The following LIN52 variants were observed in gnomAD, a reference collection of about 807,000 sequenced individuals.
LIN52 encodes the protein protein lin-52 homolog.
In LIN52, 4 loss-of-function variants were observed where a neutral mutation model predicts 18.5. The ratio of observed to expected loss-of-function variants is 0.22; its 90% CI spans 0.11 to 0.49. The LOEUF (loss-of-function observed/expected upper bound fraction) is 0.49, where lower values mean the gene tolerates loss of function less well. Among genes scored for constraint, LIN52 ranks in the 20% least tolerant of loss-of-function variants. The pLI is 0.97. For missense variants in LIN52, 102 were observed against 139.5 expected (o/e 0.73, Z 1.35); for synonymous variants, 34 against 45.5 (o/e 0.75, Z 1.02).
chr14:74,142,970 T>C (rs959889637), intron 5 of LIN52, among the ~76,000 whole-genome samples: 2 of 150,998 alleles, frequency 1.3e-5, no homozygotes, highest in African/African-American at 4.9e-5. Context: ...GTTAGGACTT[T>C]CCATAAGTCA....
chr14:74,168,930 C>T (rs1203592664), intron 5 of LIN52, among the ~76,000 whole-genome samples: 1 of 151,008 alleles, frequency 6.6e-6, no homozygotes, highest in Non-Finnish European at 1.5e-5. Context: ...GGCATGGTGG[C>T]GCGTGCCCAG....
intron 5 of LIN52, among the ~76,000 whole-genome samples, chr14:74,164,752 C>T (rs924599673): frequency 2.0e-5 from 3 of 152,150 alleles, no homozygotes; most frequent in Non-Finnish European, 2.9e-5. Context: ...TACAACTAAA[C>T]AGCCTGATCA....
At position 74,182,795 on chromosome 14, in the gene LIN52, G is replaced by C. The variant is rs542484292; in HGVS notation, c.284-16127G>C. Among the ~76,000 whole-genome samples the C allele has an allele frequency of 4.5e-4, 69 of 152,208 alleles. 1 individual carries two copies. In the South Asian group the frequency reaches 0.014, roughly 31 times the overall value. ...AACCAAGGACTCTTTCTCTCCACTTGCCAGCAAATTTTGTAGAAGCAACAT... is the reference window on the plus strand; with the variant it reads ...AACCAAGGACTCTTTCTCTCCACTTCCCAGCAAATTTTGTAGAAGCAACAT... On this transcript the variant is annotated intron_variant, in intron 5 of 5. Coordinates refer to ENST00000555028, the MANE Select transcript of LIN52 (RefSeq NM_001024674.3).
Position 74,199,007 on chromosome 14 carries a change from T to TC in LIN52, c.*32dup. 3 of 1,553,796 alleles carry TC rather than the reference T, an allele frequency of 1.9e-6. No individual in the cohort carries two copies. Among genetic ancestry groups the TC allele is most frequent in the Non-Finnish European group, 2.7e-6 (3 of 1,126,410 alleles). On this transcript the variant is annotated 3_prime_UTR_variant, in exon 6 of 6. Coordinates refer to ENST00000555028, the MANE Select transcript of LIN52 (RefSeq NM_001024674.3). ...TGCTTGCGGACAGGATGTCCTGGGG[T>TC]CCGAAACCAAGCTCCCTTCCCGGTG...
At chr14:74,174,398 A>C (rs926362740) in intron 5 of LIN52, 2 of 152,260 alleles carry the variant, frequency 1.3e-5, no homozygotes, top group African/African-American at 2.4e-5. Flanking sequence ...CAGTTGGAAC[A>C]CAACAGTAAG....
At position 74,103,384 on chromosome 14, in the gene LIN52, T is replaced by G. The variant is rs548421259; in HGVS notation, c.283+2146T>G. On this transcript the variant is annotated intron_variant, in intron 5 of 5. Coordinates refer to ENST00000555028, the MANE Select transcript of LIN52 (RefSeq NM_001024674.3). ...ATGAGCCACCACACCTGACATATTG[T>G]TTTTTTTCCTTTCTCTTCAGGAACA... 9.2e-5 allele frequency among the ~76,000 whole-genome samples: 14 copies of G among 151,542 alleles called. No individual in the cohort carries two copies. The South Asian group carries it at 2.1e-3, about 23-fold the overall frequency.
chr14:74,090,535 C>T (rs1244187970), intron 1 of LIN52, among the ~76,000 whole-genome samples: 2 of 151,706 alleles, frequency 1.3e-5, no homozygotes, highest in African/African-American at 4.8e-5. Flanking sequence ...CAGGGTTTCA[C>T]CACGTTGGCC....
chr14:74,138,840 G>T (rs1019116345), intron 5 of LIN52, among the ~76,000 whole-genome samples: 1 of 151,606 alleles, frequency 6.6e-6, no homozygotes. Context: ...GGTTATATAG[G>T]TGAAAAGGTT....
chr14:74,120,338 G>A lies in LIN52; in HGVS notation c.283+19100G>A, dbSNP rs556205430. 2.6e-4 allele frequency among the ~76,000 whole-genome samples: 39 copies of A among 151,770 alleles called. 1 individual carries two copies. Among genetic ancestry groups the A allele is most frequent in the African/African-American group, 9.4e-4 (39 of 41,412 alleles). On this transcript the variant is annotated intron_variant, in intron 5 of 5. Coordinates refer to ENST00000555028, the MANE Select transcript of LIN52 (RefSeq NM_001024674.3). ...ATTTGAAATCTTTAAAAAAGTTTTG[G>A]CCAGGCGCAGTGGCTCATACCTGTA...
chr14:74,084,973 A>C lies in LIN52; in HGVS notation c.-2A>C, dbSNP rs774835776. 10 of 1,444,990 alleles carry C rather than the reference A, an allele frequency of 6.9e-6. No individual in the cohort carries two copies. The highest frequency in any genetic ancestry group is 4.6e-6 in the Non-Finnish European group (5 of 1,096,570). The allele number at this position is 1,444,990 out of a possible 1,614,324, so 89.5% of individuals were successfully genotyped here. On this transcript the variant is annotated 5_prime_UTR_variant, in exon 1 of 6. Transcript: ENST00000555028. Reference sequence around the variant, plus strand: ...GCCACGTCACGTGACATGGGTTGGAAGATGGCGTCTCCCACAGACGGTAAG... The same window carrying C: ...GCCACGTCACGTGACATGGGTTGGACGATGGCGTCTCCCACAGACGGTAAG...
chr14:74,111,350 G>A (rs2060925803), intron 5 of LIN52, among the ~76,000 whole-genome samples: 1 of 151,994 alleles, frequency 6.6e-6, no homozygotes, highest in Non-Finnish European at 1.5e-5. Context: ...GTGCGGTGGT[G>A]CAGTCATAGC....
chr14:74,189,322 T>A (rs754912585), intron 5 of LIN52, among the ~76,000 whole-genome samples: 1 of 152,210 alleles, frequency 6.6e-6, no homozygotes, highest in Non-Finnish European at 1.5e-5. Context: ...TGCACAAATT[T>A]ATGAGTATTT....
chr14:74,170,645 T>A (rs1222661212), intron 5 of LIN52, among the ~76,000 whole-genome samples: 2 of 152,152 alleles, frequency 1.3e-5, no homozygotes, highest in Admixed American at 1.3e-4. Flanking sequence ...TAGAGGTTTT[T>A]ATTTTTTTAG....
intron 5 of LIN52, among the ~76,000 whole-genome samples, chr14:74,127,246 T>C (rs2061034275): frequency 6.6e-6 from 1 of 152,216 alleles, no homozygotes; most frequent in Non-Finnish European, 1.5e-5. Flanking sequence ...TGCTGAGATA[T>C]TGTTCTAAGT....
intron 5 of LIN52, among the ~76,000 whole-genome samples, chr14:74,162,283 G>A (rs766665565): frequency 6.6e-6 from 1 of 151,808 alleles, no homozygotes. Flanking sequence ...TGAGACTAGC[G>A]TGGCCAATAT....
intron 5 of LIN52, among the ~76,000 whole-genome samples, chr14:74,152,702 C>A (rs2061181621): frequency 6.6e-6 from 1 of 151,942 alleles, no homozygotes; most frequent in Non-Finnish European, 1.5e-5. Flanking sequence ...TGGCTTACGC[C>A]TGTAATCCCA....
chr14:74,163,831 AAGG>A lies in LIN52; in HGVS notation c.284-35086_284-35084del, dbSNP rs769931515. ...AGGTGAAGGAGGAGATGGCTTAAAT[AAGG>A]AGGATTAAAGTGTATTTAGGAGTCA... On this transcript the variant is annotated intron_variant, in intron 5 of 5. Coordinates refer to ENST00000555028, the MANE Select transcript of LIN52 (RefSeq NM_001024674.3). 7.9e-4 allele frequency among the ~76,000 whole-genome samples: 120 copies of A among 152,312 alleles called. No homozygotes were observed. In the Middle Eastern group the frequency reaches 0.01, roughly 13 times the overall value.
chr14:74,093,678 A>G (rs1444932979), intron 2 of LIN52, among the ~76,000 whole-genome samples: 1 of 152,194 alleles, frequency 6.6e-6, no homozygotes, highest in Non-Finnish European at 1.5e-5. Flanking sequence ...TAAAAGGTAC[A>G]ACTCCGGCCA....
At chr14:74,117,414 C>G (rs932179944) in intron 5 of LIN52, among the ~76,000 whole-genome samples, 2 of 151,840 alleles carry the variant, frequency 1.3e-5, no homozygotes, top group East Asian at 3.9e-4. Flanking sequence ...TTTGGAATGT[C>G]TGTCAATCTT....
Sources: gnomAD v4.1 joint callset for allele counts (sites outside exome capture counted in the v4.1 genomes callset) on GRCh38, gnomAD v4.1.1 for gene constraint, MANE v1.5 for transcripts, NCBI Gene and HGNC (gene_info 2026-07-23, HGNC 2026-07-21) for gene names.